Variants in EPN1 observed in about 807,000 individuals in gnomAD.
EPN1 encodes the protein epsin 1, also known as epsin-1.
Under a neutral mutation model 56.9 loss-of-function variants are expected in EPN1, and 25 were observed. The ratio of observed to expected loss-of-function variants is 0.44; its 90% CI spans 0.32 to 0.61. The LOEUF (loss-of-function observed/expected upper bound fraction) is 0.61. Among genes scored for constraint, EPN1 ranks in the 20% least tolerant of loss-of-function variants. The pLI, the probability that EPN1 is intolerant of heterozygous loss-of-function variation, is 0.05. For missense variants in EPN1, 785 were observed against 823.7 expected (o/e 0.95, Z 0.58); for synonymous variants, 411 against 361.8 (o/e 1.14, Z -1.54).
rs537275978 is a variant in EPN1 at position 55,695,245 on chromosome 19, C to T, written c.1620C>T (p.Pro540=). The change falls in exon 11 of 11, where the codon CCC becomes CCT. Residue 540 remains proline, a synonymous_variant. Transcript: ENST00000270460. The surrounding 1 kb of genome is among the most constrained non-coding windows in gnomAD (Gnocchi z 4.4). The part of the protein sequence containing the change: ...LNQLRLSPVP[P]VPGAPPTYIS... ...AGCTCCGTCTCAGTCCTGTGCCTCC[C>T]GTCCCTGGAGCGCCACCCACGTACA... 2.0e-5 allele frequency: 33 copies of T among 1,612,214 alleles called. No individual in the cohort carries two copies. In the East Asian group the frequency reaches 3.3e-4, roughly 16 times the overall value.
At chr19:55,687,412 C>T (rs555312508) in intron 3 of EPN1, among the ~76,000 whole-genome samples, 1 of 152,280 alleles carries the variant, frequency 6.6e-6, no homozygotes, top group South Asian at 2.1e-4. Context: ...CCGGGTGTTG[C>T]TGGCTGGGTG....
In EPN1 at chr19:55,705,021, G is replaced by A. The variant is rs1987326735; in HGVS notation, c.*9665G>A. The A allele has an allele frequency of 2.0e-5, 3 of 152,266 alleles. No individual in the cohort carries two copies. Among genetic ancestry groups the A allele is most frequent in the South Asian group, 2.1e-4 (1 of 4,838 alleles). 9.4% of individuals were successfully genotyped at this position (152,266 alleles called of 1,614,324 possible). A position where few individuals can be genotyped will look rare whatever the true frequency, so the allele number is the denominator to read the frequency against. On this transcript the variant is annotated 3_prime_UTR_variant, in exon 11 of 11. Transcript: ENST00000270460. The stretch of plus-strand genomic sequence containing the variant: ...GTGGGAGGCACCAGGGAGCCCAGAA[G>A]AAATGAAAAGCCTGGGCAGACTCGC...
chr19:55,690,144 C>T (rs1028863203), intron 6 of EPN1, among the ~76,000 whole-genome samples, 194 bp downstream of exon 6: 2 of 152,262 alleles, frequency 1.3e-5, no homozygotes, highest in African/African-American at 4.8e-5. Context: ...ACTGACCAGG[C>T]TGCCCTGCGG....
chr19:55,677,056 T>C, intron 1 of EPN1: 3 of 1,503,358 alleles, frequency 2.0e-6, no homozygotes, highest in South Asian at 1.3e-5. Context: ...GTGCCTGGCT[T>C]TCTGGCCTGA....
chr19:55,705,813 A>ATATATATATATATATGTG lies in EPN1; in HGVS notation c.*10472_*10473insGTGTATATATATATATAT, dbSNP rs1244325423. On this transcript the variant is annotated 3_prime_UTR_variant, in exon 11 of 11. Transcript: ENST00000270460. The stretch of plus-strand genomic sequence containing the variant: ...TGGAATATTTGTTGTTGTGGGATAT[A>ATATATATATATATATGTG]TATATATATATATATTTAGAGTGTT... The ATATATATATATATATGTG allele has an allele frequency of 2.4e-5, 3 of 124,708 alleles. No individual in the cohort carries two copies. The highest frequency in any genetic ancestry group is 3.4e-5 in the Non-Finnish European group (2 of 59,668). 7.7% of individuals were successfully genotyped at this position (124,708 alleles called of 1,614,324 possible).
chr19:55,686,297 T>C (rs112178780), intron 3 of EPN1, among the ~76,000 whole-genome samples: 1,767 of 152,234 alleles, frequency 0.012, 17 homozygotes, highest in Non-Finnish European at 0.02. Flanking sequence ...TGGTCTGTGT[T>C]GGTCGGGGGC....
chr19:55,675,665 T>C (rs1418898097), intron 1 of EPN1, among the ~76,000 whole-genome samples: 4 of 152,314 alleles, frequency 2.6e-5, no homozygotes, highest in Middle Eastern at 6.8e-3. Flanking sequence ...TGCCTGTGCC[T>C]GTTTCAGTGA....
chr19:55,690,392 C>T (rs73933310), intron 6 of EPN1, among the ~76,000 whole-genome samples: 24 of 152,368 alleles, frequency 1.6e-4, no homozygotes, highest in Non-Finnish European at 2.1e-4. Context: ...GTCCCGCCCT[C>T]GCGAACACTG....
rs1448438648 is a variant in EPN1, at chr19:55,703,700, C to CT, written c.*8345dup. The CT allele has an allele frequency of 6.6e-6, 1 of 152,254 alleles. No homozygotes were observed. Among genetic ancestry groups the CT allele is most frequent in the Middle Eastern group, 3.2e-3 (1 of 316 alleles). The allele number at this position is 152,254 out of a possible 1,614,324, so 9.4% of individuals were successfully genotyped here. A position where few individuals can be genotyped will look rare whatever the true frequency, so the allele number is the denominator to read the frequency against. On this transcript the variant is annotated 3_prime_UTR_variant, in exon 11 of 11. Coordinates refer to ENST00000270460, the MANE Select transcript of EPN1 (RefSeq NM_001130072.2). ...CTTTCTGAGATGCCGGAAATGTTCT[C>CT]TGTGCTGTACAAAAGGGATGCCACT... is the stretch of plus-strand genomic sequence containing the variant.
intron 1 of EPN1, 43 bp from the exon 2 acceptor site, chr19:55,678,484 C>T (rs543718478): frequency 6.0e-6 from 9 of 1,505,490 alleles, no homozygotes; most frequent in Non-Finnish European, 8.0e-6. Flanking sequence ...TCTGGGCAGG[C>T]CATGTCCCAT....
chr19:55,691,171 T>C lies in EPN1; in HGVS notation c.763-583T>C, dbSNP rs1427636085. ...CGGCATGGGAAGACCTGCAGTGCGATGACTGCGGGGTGACAGTGGGGCAAT... is the reference window on the plus strand; with the variant it reads ...CGGCATGGGAAGACCTGCAGTGCGACGACTGCGGGGTGACAGTGGGGCAAT... On this transcript the variant is annotated intron_variant, in intron 6 of 10. Coordinates refer to ENST00000270460, the MANE Select transcript of EPN1 (RefSeq NM_001130072.2). This position sits in a 1 kb window ranked among gnomAD's most constrained non-coding sequence, Gnocchi z 5.6. 6.6e-6 allele frequency among the ~76,000 whole-genome samples: 1 copy of C among 152,038 alleles called. No homozygotes were observed. The highest frequency in any genetic ancestry group is 6.5e-5 in the Admixed American group (1 of 15,272).
intron 2 of EPN1, 115 bp from the exon 3 acceptor site, chr19:55,685,281 C>A: frequency 2.2e-6 from 3 of 1,342,066 alleles, no homozygotes; most frequent in Admixed American, 4.2e-5. Context: ...CCACTGGCGA[C>A]AGGTGGGTTG....
Position 55,694,247 on chromosome 19 carries a change from A to G in EPN1, c.1265-479A>G, listed in dbSNP as rs1600110375. 6.5e-6 allele frequency: 1 copy of G among 152,784 alleles called. No individual in the cohort carries two copies. Among genetic ancestry groups the G allele is most frequent in the Non-Finnish European group, 1.4e-5 (1 of 69,610 alleles). 9.5% of individuals were successfully genotyped at this position (152,784 alleles called of 1,614,324 possible). ...AAAAAAAAAAAAAAAAAAAAAACAGAAAATCAGACCTCTAGCCAACAGATG... is the reference window on the plus strand; with the variant it reads ...AAAAAAAAAAAAAAAAAAAAAACAGGAAATCAGACCTCTAGCCAACAGATG... On this transcript the variant is annotated intron_variant, in intron 9 of 10. Transcript: ENST00000270460. The surrounding 1 kb of genome is among the most constrained non-coding windows in gnomAD (Gnocchi z 4.2).
intron 2 of EPN1, among the ~76,000 whole-genome samples, 154 bp downstream of exon 2, chr19:55,679,009 T>C (rs1026994129): frequency 1.8e-4 from 28 of 152,346 alleles, no homozygotes; most frequent in African/African-American, 6.5e-4. Context: ...AGGCAACGAA[T>C]ATAAGGCTAA....
chr19:55,683,147 C>T (rs1985937012), intron 2 of EPN1, among the ~76,000 whole-genome samples: 1 of 152,084 alleles, frequency 6.6e-6, no homozygotes, highest in African/African-American at 2.4e-5. Flanking sequence ...CCTCTGCCTC[C>T]CAAGATCAAG....
In EPN1 at chr19:55,679,629, C is replaced by T. The variant is rs576173389; in HGVS notation, c.228+774C>T. Among the ~76,000 whole-genome samples the T allele has an allele frequency of 1.4e-3, 214 of 152,324 alleles. 1 individual carries two copies. The highest frequency in any genetic ancestry group is 2.6e-4 in the Non-Finnish European group (18 of 68,020). On this transcript the variant is annotated intron_variant, in intron 2 of 10. Transcript: ENST00000270460. ...GACCTGGGCCTGCTCTGGCGGAGGTCCCTGTCCTTGCTGATCTTTGAGACT... is the reference window on the plus strand; with the variant it reads ...GACCTGGGCCTGCTCTGGCGGAGGTTCCTGTCCTTGCTGATCTTTGAGACT...
In EPN1 at chr19:55,678,693, C is replaced by G; in HGVS notation, c.66C>G (p.Ile22Met). The part of the protein sequence containing the change: ...NIVHNYSEAE[I>M]KVREATSNDP... Reference sequence around the variant, plus strand: ...TCCACAACTACTCAGAGGCGGAGATCAAGGTTCGAGAGGCCACGAGCAATG... The same window carrying G: ...TCCACAACTACTCAGAGGCGGAGATGAAGGTTCGAGAGGCCACGAGCAATG... The change falls in exon 2 of 11, where the codon ATC (isoleucine) becomes ATG (methionine). Residue 22 changes from isoleucine to methionine, a missense_variant. Physicochemically the swap from Ile to Met is conservative, Grantham distance 10 (BLOSUM62 1). This residue lies in a region of EPN1 where 135 missense variants were observed against 218.7 expected (regional missense o/e 0.62). Transcript: ENST00000270460. The G allele has an allele frequency of 6.2e-7, 1 of 1,614,110 alleles. No homozygotes were observed. The highest frequency in any genetic ancestry group is 8.5e-7 in the Non-Finnish European group (1 of 1,179,996).
rs748274043 is a variant in EPN1, at chr19:55,689,959, G to A, written c.762+9G>A. The A allele has an allele frequency of 3.1e-6, 5 of 1,588,918 alleles. No individual in the cohort carries two copies. In the Admixed American group the frequency reaches 7.1e-5, roughly 23 times the overall value. ...CTGGGGGCAAGGAGGAGGTGAGCGG[G>A]GCTTGTTCTGCCCTCCCTGGCCCCT... On this transcript the variant is annotated intron_variant, in intron 6 of 10. Transcript: ENST00000270460. This position sits in a 1 kb window ranked among gnomAD's most constrained non-coding sequence, Gnocchi z 5.7.
chr19:55,678,567 G>A lies in EPN1; in HGVS notation c.-61G>A, dbSNP rs1270098052. On this transcript the variant is annotated 5_prime_UTR_variant, in exon 2 of 11. Transcript: ENST00000270460. The stretch of plus-strand genomic sequence containing the variant: ...AGCACCTGCCGCAGCCTTCGTCCGG[G>A]AGTCGCCCCATCTCTCCACGCATCG... 1 of 1,556,426 alleles carries A rather than the reference G, an allele frequency of 6.4e-7. No homozygotes were observed. The highest frequency in any genetic ancestry group is 8.7e-7 in the Non-Finnish European group (1 of 1,152,966).
Sources: allele counts gnomAD v4.1 joint callset (sites outside exome capture counted in the v4.1 genomes callset), GRCh38; gene constraint gnomAD v4.1.1; regional missense constraint gnomAD v4.1.1; non-coding constraint Gnocchi (gnomAD v3.1); transcripts MANE v1.5; gene names NCBI Gene and HGNC (gene_info 2026-07-23, HGNC 2026-07-21).